Variants in MCTP2 observed in about 807,000 individuals in gnomAD.
The protein encoded by MCTP2 is multiple C2 and transmembrane domain-containing protein 2.
MCTP2 carries 132 observed loss-of-function variants against 111.6 expected under a neutral mutation model. That is an observed-to-expected ratio of 1.18 (90% CI 1.03 to 1.37). The LOEUF (loss-of-function observed/expected upper bound fraction) is 1.37, where lower values mean the gene tolerates loss of function less well. MCTP2 is among the 40% of genes most tolerant of loss of function. MCTP2 has a pLI of 0.00. For missense variants in MCTP2, 1,183 were observed against 1,067.9 expected (o/e 1.11, Z -1.50); for synonymous variants, 395 against 387.7 (o/e 1.02, Z -0.22).
chr15:94,461,996 G>A lies in MCTP2; in HGVS notation c.2360+3750G>A, dbSNP rs1265530077. ...CAGGCTAGTGTAGAACCATGCATATGTGAAGGAAAGCCTTTAGTAGAAGAC... is the reference window on the plus strand; with the variant it reads ...CAGGCTAGTGTAGAACCATGCATATATGAAGGAAAGCCTTTAGTAGAAGAC... On this transcript the variant is annotated intron_variant, in intron 20 of 22. Coordinates refer to ENST00000357742, the MANE Select transcript of MCTP2 (RefSeq NM_001385001.1). 2.0e-5 allele frequency among the ~76,000 whole-genome samples: 3 copies of A among 152,228 alleles called. No homozygotes were observed. In the East Asian group the frequency reaches 5.8e-4, roughly 29 times the overall value.
intron 21 of MCTP2, among the ~76,000 whole-genome samples, chr15:94,470,648 T>C (rs1471708723): frequency 1.3e-5 from 2 of 151,342 alleles, no homozygotes; most frequent in African/African-American, 4.8e-5. Context: ...ATAGGCCTCT[T>C]GCATAATTGC....
intron 1 of MCTP2, among the ~76,000 whole-genome samples, chr15:94,243,333 ATATGCGTATGTACATACATACG>A (rs1567251117): frequency 4.7e-5 from 7 of 148,536 alleles, no homozygotes. Context: ...ACGTATGCGT[ATATGCGTATGTACATACATACG>A]TATGCGTATA....
intron 7 of MCTP2, among the ~76,000 whole-genome samples, chr15:94,344,249 A>G (rs1218988488): frequency 6.6e-6 from 1 of 152,210 alleles, no homozygotes; most frequent in African/African-American, 2.4e-5. Context: ...TTTCCCCTGA[A>G]GATTATTAAT....
chr15:94,429,845 C>T (rs367899736), intron 17 of MCTP2, among the ~76,000 whole-genome samples: 3 of 152,326 alleles, frequency 2.0e-5, no homozygotes, highest in African/African-American at 7.2e-5. Context: ...ATTGGCACCT[C>T]ATACTCCCCT....
intron 17 of MCTP2, among the ~76,000 whole-genome samples, chr15:94,409,245 C>T (rs1241644076): frequency 6.6e-6 from 1 of 152,126 alleles, no homozygotes; most frequent in Non-Finnish European, 1.5e-5. Flanking sequence ...ACATCTTTCT[C>T]CCATGCTGGT....
rs2076281029 is a variant in MCTP2 at position 94,314,313 on chromosome 15, C to G, written c.497C>G (p.Ser166Cys). The G allele has an allele frequency of 6.2e-7, 1 of 1,609,492 alleles. No individual in the cohort carries two copies. The highest frequency in any genetic ancestry group is 8.5e-7 in the Non-Finnish European group (1 of 1,178,260). ...TGTGGAAGCAGTGACCTGAATGCTTCTATGACATCTCAACATTTTGAAGAA... is the reference window on the plus strand; with the variant it reads ...TGTGGAAGCAGTGACCTGAATGCTTGTATGACATCTCAACATTTTGAAGAA... The part of the protein sequence containing the change: ...KLCGSSDLNA[S>C]MTSQHFEEQS... The change falls in exon 3 of 23, where the codon TCT becomes TGT. Residue 166 changes from serine (S) to cysteine (C), a missense_variant. Physicochemically the swap from Ser to Cys is moderately radical, Grantham distance 112. Transcript: ENST00000357742.
chr15:94,276,235 T>C (rs902498048), intron 1 of MCTP2, among the ~76,000 whole-genome samples: 2 of 152,156 alleles, frequency 1.3e-5, no homozygotes, highest in African/African-American at 4.8e-5. Flanking sequence ...TAGGGACATA[T>C]TCATAAACAG....
intron 17 of MCTP2, among the ~76,000 whole-genome samples, chr15:94,418,001 T>G (rs2082452572): frequency 6.6e-6 from 1 of 152,110 alleles, no homozygotes; most frequent in Non-Finnish European, 1.5e-5. Flanking sequence ...GCGAACTGCT[T>G]TACTCTATCA....
At chr15:94,376,146 G>C (rs1005138979) in intron 12 of MCTP2, among the ~76,000 whole-genome samples, 1 of 152,170 alleles carries the variant, frequency 6.6e-6, no homozygotes, top group Non-Finnish European at 1.5e-5. Flanking sequence ...AAAATCAGGG[G>C]GTTGCATTTC....
intron 1 of MCTP2, among the ~76,000 whole-genome samples, chr15:94,254,371 C>A (rs1428489560): frequency 6.6e-6 from 1 of 152,122 alleles, no homozygotes; most frequent in Non-Finnish European, 1.5e-5. Flanking sequence ...TCAGAGAGAA[C>A]CTGGTTCGAA....
intron 21 of MCTP2, among the ~76,000 whole-genome samples, chr15:94,475,298 C>A (rs995910942): frequency 3.9e-5 from 6 of 152,134 alleles, no homozygotes; most frequent in South Asian, 4.1e-4. Context: ...TTGCTAGGAA[C>A]CTTCACCAGC....
At chr15:94,268,103 T>C (rs1464928522) in intron 1 of MCTP2, among the ~76,000 whole-genome samples, 1 of 151,352 alleles carries the variant, frequency 6.6e-6, no homozygotes, top group Admixed American at 6.6e-5. Context: ...CCTGACCTTG[T>C]GATGAACCCG....
intron 17 of MCTP2, among the ~76,000 whole-genome samples, chr15:94,420,113 C>G (rs2082554429): frequency 6.6e-6 from 1 of 152,110 alleles, no homozygotes; most frequent in Non-Finnish European, 1.5e-5. Context: ...TGCCTGTGCT[C>G]TATAAATGGA....
intron 1 of MCTP2, among the ~76,000 whole-genome samples, chr15:94,277,418 C>T (rs1434351956): frequency 6.6e-6 from 1 of 152,140 alleles, no homozygotes; most frequent in Admixed American, 6.5e-5. Flanking sequence ...AAAGTGGAAG[C>T]AGCCCAGAGG....
At chr15:94,381,428 T>A (rs1055695634) in intron 12 of MCTP2, among the ~76,000 whole-genome samples, 2 of 152,290 alleles carry the variant, frequency 1.3e-5, no homozygotes, top group East Asian at 1.9e-4. Context: ...ATAACTGAAG[T>A]TCCTGGTTTC....
intron 8 of MCTP2, among the ~76,000 whole-genome samples, chr15:94,354,379 C>T (rs912575916): frequency 5.3e-5 from 8 of 152,182 alleles, no homozygotes; most frequent in Non-Finnish European, 8.8e-5. Flanking sequence ...GTGGAAGTAA[C>T]TGAATTATGG....
chr15:94,272,478 A>G (rs889390079), intron 1 of MCTP2, among the ~76,000 whole-genome samples: 3 of 151,906 alleles, frequency 2.0e-5, no homozygotes, highest in South Asian at 4.2e-4. Context: ...TTAGTTATCT[A>G]ATCTGTTACT....
chr15:94,279,613 C>G (rs1201814629), intron 1 of MCTP2, among the ~76,000 whole-genome samples: 3 of 151,972 alleles, frequency 2.0e-5, no homozygotes, highest in Non-Finnish European at 4.4e-5. Context: ...ATTTCTTTCT[C>G]TTGCTTTATT....
At chr15:94,254,259 C>T (rs971404187) in intron 1 of MCTP2, among the ~76,000 whole-genome samples, 1 of 152,080 alleles carries the variant, frequency 6.6e-6, no homozygotes, top group African/African-American at 2.4e-5. Context: ...TTTTTAAATT[C>T]TTATTTTAGA....
Sources: gnomAD v4.1 joint callset for allele counts (sites outside exome capture counted in the v4.1 genomes callset) on GRCh38, gnomAD v4.1.1 for gene constraint, MANE v1.5 for transcripts, NCBI Gene and HGNC (gene_info 2026-07-23, HGNC 2026-07-21) for gene names.